Variants in HACE1 observed in about 807,000 individuals in gnomAD.
HACE1 encodes the protein HECT domain and ankyrin repeat containing E3 ubiquitin protein ligase 1.
HACE1 carries 73 observed loss-of-function variants against 118.4 expected under a neutral mutation model. That is an observed-to-expected ratio of 0.62 (90% CI 0.51 to 0.75). HACE1 has a LOEUF of 0.75. HACE1 is among the 30% of genes least tolerant of loss of function. The pLI is 0.00. For missense variants in HACE1, 749 were observed against 1,102.2 expected (o/e 0.68, Z 4.54); for synonymous variants, 368 against 374.8 (o/e 0.98, Z 0.21).
chr6:104,730,563 T>C, intron 22 of HACE1, 147 bp from the exon 23 acceptor site: 1 of 641,720 alleles, frequency 1.6e-6, no homozygotes, highest in South Asian at 1.7e-5. Context: ...CTCCAATTCA[T>C]TACTGTAAGT....
intron 5 of HACE1, among the ~76,000 whole-genome samples, chr6:104,834,802 G>A (rs967041734): frequency 6.6e-6 from 1 of 152,150 alleles, no homozygotes; most frequent in Non-Finnish European, 1.5e-5. Context: ...AGAATCAATA[G>A]TAAGTACCAT....
chr6:104,852,541 G>A (rs1213687516), intron 1 of HACE1, among the ~76,000 whole-genome samples, 170 bp from the exon 2 acceptor site: 2 of 152,194 alleles, frequency 1.3e-5, no homozygotes, highest in Admixed American at 6.5e-5. Flanking sequence ...CGATAGTGAA[G>A]AATCTTTCAT....
intron 19 of HACE1, among the ~76,000 whole-genome samples, chr6:104,750,863 G>C (rs1309699505): frequency 6.6e-6 from 1 of 152,108 alleles, no homozygotes; most frequent in African/African-American, 2.4e-5. Flanking sequence ...ATCTTAGCCA[G>C]AGTGATTTAA....
intron 10 of HACE1, among the ~76,000 whole-genome samples, chr6:104,795,328 T>C (rs1297808523): frequency 6.6e-6 from 1 of 152,194 alleles, no homozygotes; most frequent in Non-Finnish European, 1.5e-5. Flanking sequence ...AAGTAATCAT[T>C]TCACAAAATT....
rs371026841 is a variant in HACE1, at chr6:104,773,765, C to CT, written c.1865-1692dup. The stretch of plus-strand genomic sequence containing the variant: ...TGCTTAAAAAGAATAGATAAGGAGA[C>CT]TTTTTTAAAAAAAAAAAAGGAAACA... On this transcript the variant is annotated intron_variant, in intron 17 of 23. Coordinates refer to ENST00000262903, the MANE Select transcript of HACE1 (RefSeq NM_020771.4). Among the ~76,000 whole-genome samples, 130 of 136,948 alleles carry CT rather than the reference C, an allele frequency of 9.5e-4. 1 individual carries two copies. Among genetic ancestry groups the CT allele is most frequent in the South Asian group, 2.1e-3 (9 of 4,312 alleles). The allele number at this position is 136,948 out of a possible 152,430, so 89.8% of individuals were successfully genotyped here. A position where few individuals can be genotyped will look rare whatever the true frequency, so the allele number is the denominator to read the frequency against.
chr6:104,789,964 C>T (rs1232772795), intron 11 of HACE1, among the ~76,000 whole-genome samples: 3 of 151,752 alleles, frequency 2.0e-5, no homozygotes, highest in Non-Finnish European at 4.4e-5. Flanking sequence ...TTTACAAAGA[C>T]AGTAAGTCGT....
Position 104,784,949 on chromosome 6 carries a change from A to G in HACE1, c.1409+36T>C, listed in dbSNP as rs1554237743. 6.2e-6 allele frequency: 8 copies of G among 1,292,832 alleles called. 1 individual carries two copies. The South Asian group carries it at 8.5e-5, about 14-fold the overall frequency. 80.1% of individuals were successfully genotyped at this position (1,292,832 alleles called of 1,614,324 possible). A position where few individuals can be genotyped will look rare whatever the true frequency, so the allele number is the denominator to read the frequency against. On this transcript the variant is annotated intron_variant, in intron 12 of 23. Transcript: ENST00000262903. ...GTATCACTGCTTTTCATCATCTATC[A>G]GAGAAAAAAAAAATAATAAGCCAAA...
chr6:104,829,202 T>C (rs1189544146), intron 6 of HACE1, among the ~76,000 whole-genome samples: 1 of 152,168 alleles, frequency 6.6e-6, no homozygotes, highest in African/African-American at 2.4e-5. Flanking sequence ...GACTTGCCAC[T>C]GAGTCACTAG....
chr6:104,808,526 C>T (rs753985740), intron 7 of HACE1, among the ~76,000 whole-genome samples: 10 of 151,992 alleles, frequency 6.6e-5, no homozygotes, highest in Non-Finnish European at 1.2e-4. Flanking sequence ...GGTTCTTTCC[C>T]CTGTATCTTA....
At chr6:104,817,133 G>C (rs990441984) in intron 6 of HACE1, among the ~76,000 whole-genome samples, 3 of 152,190 alleles carry the variant, frequency 2.0e-5, no homozygotes, top group Non-Finnish European at 4.4e-5. Context: ...AGTTAATGCT[G>C]AAATTAGTTA....
chr6:104,747,583 GCCA>G (rs1777568401), intron 20 of HACE1, among the ~76,000 whole-genome samples: 1 of 151,692 alleles, frequency 6.6e-6, no homozygotes, highest in Admixed American at 6.6e-5. Context: ...GATTACTCAT[GCCA>G]CCAAGCAGCA....
chr6:104,751,400 A>C (rs1021418533), intron 19 of HACE1, among the ~76,000 whole-genome samples: 1 of 152,230 alleles, frequency 6.6e-6, no homozygotes, highest in South Asian at 2.1e-4. Context: ...GAGTTAAGGT[A>C]ATCTACATAT....
At chr6:104,801,376 G>C (rs551846475) in intron 7 of HACE1, among the ~76,000 whole-genome samples, 13 of 152,228 alleles carry the variant, frequency 8.5e-5, no homozygotes, top group African/African-American at 2.9e-4. Flanking sequence ...ACGCCACAAA[G>C]ATGCTCCTCA....
intron 19 of HACE1, among the ~76,000 whole-genome samples, chr6:104,754,134 G>C (rs1778362775): frequency 6.6e-6 from 1 of 151,886 alleles, no homozygotes; most frequent in South Asian, 2.1e-4. Flanking sequence ...TAGCAGAATA[G>C]ACCAAGCAGA....
At chr6:104,840,711 C>T (rs13215625) in intron 5 of HACE1, among the ~76,000 whole-genome samples, 21,963 of 151,966 alleles carry the variant, frequency 0.14, 1,588 homozygotes, top group Middle Eastern at 0.22. Context: ...CACCTGTAAT[C>T]CCAGCACTTT....
intron 19 of HACE1, among the ~76,000 whole-genome samples, chr6:104,756,511 A>T (rs1778701032): frequency 6.6e-6 from 1 of 151,990 alleles, no homozygotes; most frequent in Admixed American, 6.6e-5. Flanking sequence ...GTCTGATAAA[A>T]ATCCTATTAC....
chr6:104,817,206 G>A (rs1409787089), intron 6 of HACE1, among the ~76,000 whole-genome samples: 1 of 152,122 alleles, frequency 6.6e-6, no homozygotes, highest in Non-Finnish European at 1.5e-5. Context: ...CATGAGATTT[G>A]GGAGGGGTTA....
At chr6:104,851,792 T>TG (rs1776233637) in intron 2 of HACE1, among the ~76,000 whole-genome samples, 2 of 152,170 alleles carry the variant, frequency 1.3e-5, no homozygotes, top group African/African-American at 2.4e-5. Flanking sequence ...TCTTCTTATA[T>TG]CAAAAAATTC....
chr6:104,848,466 AAAAG>A (rs1775879671), intron 4 of HACE1, among the ~76,000 whole-genome samples: 1 of 151,872 alleles, frequency 6.6e-6, no homozygotes, highest in African/African-American at 2.4e-5. Flanking sequence ...AAAAAAAAAA[AAAAG>A]AAAGAGTTTA....
Sources: allele counts gnomAD v4.1 joint callset (sites outside exome capture counted in the v4.1 genomes callset), GRCh38; gene constraint gnomAD v4.1.1; transcripts MANE v1.5; gene names NCBI Gene and HGNC (gene_info 2026-07-23, HGNC 2026-07-21).